Variants in H2AX observed in about 807,000 individuals in gnomAD.
H2AX encodes histone H2AX.
A neutral mutation model predicts 8.0 loss-of-function variants in H2AX; 2 were observed. The observed-to-expected ratio is 0.25, with a 90% CI of 0.10 to 0.79. The LOEUF is 0.79. H2AX is among the 30% of genes least tolerant of loss of function. The pLI is 0.69. For missense variants in H2AX, 105 were observed against 201.0 expected (o/e 0.52, Z 2.89); for synonymous variants, 110 against 102.5 (o/e 1.07, Z -0.44).
At position 119,094,707 on chromosome 11, in the gene H2AX, T is replaced by C; in HGVS notation, c.*256A>G. The C allele has an allele frequency of 2.6e-6, 1 of 386,632 alleles. No individual in the cohort carries two copies. 24.0% of individuals were successfully genotyped at this position (386,632 alleles called of 1,614,324 possible). A position where few individuals can be genotyped will look rare whatever the true frequency, so the allele number is the denominator to read the frequency against. On this transcript the variant is annotated 3_prime_UTR_variant, in exon 1 of 1. Transcript: ENST00000530167. ...AGCCGCATCCGGAAGGCCCGAACCCTACCGGAGGGCGGACGGCGGACAGGG... is the reference window on the plus strand; with the variant it reads ...AGCCGCATCCGGAAGGCCCGAACCCCACCGGAGGGCGGACGGCGGACAGGG...
rs1285661977 is a variant in H2AX, at chr11:119,094,059, G to C, written c.*904C>G. 1 of 152,736 alleles carries C rather than the reference G, an allele frequency of 6.5e-6. No individual in the cohort carries two copies. Among genetic ancestry groups the C allele is most frequent in the Admixed American group, 6.5e-5 (1 of 15,286 alleles). The allele number at this position is 152,736 out of a possible 1,614,324, so 9.5% of individuals were successfully genotyped here. ...TTGGATTGCCGAGTTGAGTTTGCTG[G>C]AAGGGAAATGGGGCGGCGTCGGGGG... On this transcript the variant is annotated 3_prime_UTR_variant, in exon 1 of 1. Transcript: ENST00000530167.
Position 119,094,997 on chromosome 11 carries a change from C to A in H2AX, c.398G>T (p.Gly133Val). The A allele has an allele frequency of 6.2e-7, 1 of 1,612,664 alleles. No individual in the cohort carries two copies. Among genetic ancestry groups the A allele is most frequent in the East Asian group, 2.2e-5 (1 of 44,848 alleles). Residue 133 changes from glycine (G) to valine (V), a missense_variant, in exon 1 of 1, where the codon GGC (glycine) becomes GTC (valine). Around this residue, in one of 3 missense-constraint regions of H2AX, gnomAD observed 29 missense variants for 33.9 expected, o/e 0.86. Coordinates refer to ENST00000530167, the MANE Select transcript of H2AX (RefSeq NM_002105.3). ...ATVGPKAPSG[G>V]KKATQASQEY ...CTGGGAGGCCTGGGTGGCCTTCTTG[C>A]CGCCCGAGGGCGCCTTCGGCCCCAC...
Position 119,095,445 on chromosome 11 carries a change from G to A in H2AX, c.-51C>T, listed in dbSNP as rs772898384. On this transcript the variant is annotated 5_prime_UTR_variant, in exon 1 of 1. Coordinates refer to ENST00000530167, the MANE Select transcript of H2AX (RefSeq NM_002105.3). ...CGACGGCTCAAACACTAGAACAGAC[G>A]CCCGCCGCAGTGTAACTGCTGTCGC... The A allele has an allele frequency of 5.4e-5, 79 of 1,449,968 alleles. 1 individual carries two copies. The highest frequency in any genetic ancestry group is 5.0e-4 in the South Asian group (35 of 69,316). The allele number at this position is 1,449,968 out of a possible 1,614,324, so 89.8% of individuals were successfully genotyped here. A position where few individuals can be genotyped will look rare whatever the true frequency, so the allele number is the denominator to read the frequency against.
chr11:119,094,911 G>T lies in H2AX; in HGVS notation c.*52C>A. The T allele has an allele frequency of 6.6e-7, 1 of 1,526,158 alleles. No homozygotes were observed. Among genetic ancestry groups the T allele is most frequent in the South Asian group, 1.2e-5 (1 of 80,422 alleles). 94.5% of individuals were successfully genotyped at this position (1,526,158 alleles called of 1,614,324 possible). ...GAGGGCGGTGGTGGCCCTTAAAAGG[G>T]CCTTTGTGGTGGCATGGGGAGGCCT... On this transcript the variant is annotated 3_prime_UTR_variant, in exon 1 of 1. Transcript: ENST00000530167.
Position 119,094,828 on chromosome 11 carries a change from G to A in H2AX, c.*135C>T, listed in dbSNP as rs1228200948. The A allele has an allele frequency of 5.3e-6, 5 of 948,272 alleles. No homozygotes were observed. In the East Asian group the frequency reaches 8.4e-5, roughly 16 times the overall value. The allele number at this position is 948,272 out of a possible 1,614,324, so 58.7% of individuals were successfully genotyped here. A position where few individuals can be genotyped will look rare whatever the true frequency, so the allele number is the denominator to read the frequency against. ...GGCGAAGGCGGGCGAGGGGAGGGGA[G>A]GGGAAGGGAGCCGCGGCCCGCTTGC... On this transcript the variant is annotated 3_prime_UTR_variant, in exon 1 of 1. Transcript: ENST00000530167.
chr11:119,095,101 C>T lies in H2AX; in HGVS notation c.294G>A (p.Leu98=). The change falls in exon 1 of 1, where the codon CTG becomes CTA. Residue 98 remains leucine (L), a synonymous_variant. Transcript: ENST00000530167. The part of the protein sequence containing the change: ...IRNDEELNKL[L]GGVTIAQGGV... Reference sequence around the variant, plus strand: ...CTCCCTGGGCGATCGTCACGCCGCCCAGCAGCTTGTTGAGCTCCTCGTCGT... The same window carrying T: ...CTCCCTGGGCGATCGTCACGCCGCCTAGCAGCTTGTTGAGCTCCTCGTCGT... The T allele has an allele frequency of 6.2e-7, 1 of 1,614,002 alleles. No homozygotes were observed. Among genetic ancestry groups the T allele is most frequent in the Non-Finnish European group, 8.5e-7 (1 of 1,179,894 alleles).
chr11:119,094,973 T>C lies in H2AX; in HGVS notation c.422A>G (p.Gln141Arg), dbSNP rs766991832. 2.5e-6 allele frequency: 4 copies of C among 1,611,380 alleles called. No homozygotes were observed. The highest frequency in any genetic ancestry group is 1.7e-6 in the Non-Finnish European group (2 of 1,178,936). The change falls in exon 1 of 1, where the codon CAG becomes CGG. Residue 141 changes from glutamine to arginine, a missense_variant. Physicochemically the swap from Gln to Arg is conservative, Grantham distance 43 (BLOSUM62 1). Around this residue, in one of 3 missense-constraint regions of H2AX, gnomAD observed 29 missense variants for 33.9 expected, o/e 0.86. Transcript: ENST00000530167. Reference protein sequence around the residue: ...SGGKKATQASQEY With the variant: ...SGGKKATQASREY ...GCGGCGCGGGCCCTCTTAGTACTCC[T>C]GGGAGGCCTGGGTGGCCTTCTTGCC...
In H2AX at chr11:119,094,444, C is replaced by T. The variant is rs1946356445; in HGVS notation, c.*519G>A. 1 of 152,358 alleles carries T rather than the reference C, an allele frequency of 6.6e-6. No homozygotes were observed. Among genetic ancestry groups the T allele is most frequent in the African/African-American group, 2.4e-5 (1 of 41,470 alleles). 9.4% of individuals were successfully genotyped at this position (152,358 alleles called of 1,614,324 possible). A position where few individuals can be genotyped will look rare whatever the true frequency, so the allele number is the denominator to read the frequency against. ...TACCAGACACCCCGGCTGCAGCTGCCGAGGGCCTCACTCACCTTCAGGGCC... is the reference window on the plus strand; with the variant it reads ...TACCAGACACCCCGGCTGCAGCTGCTGAGGGCCTCACTCACCTTCAGGGCC... On this transcript the variant is annotated 3_prime_UTR_variant, in exon 1 of 1. Transcript: ENST00000530167.
In H2AX at chr11:119,095,452, G is replaced by A. The variant is rs566456517; in HGVS notation, c.-58C>T. ...TCAAACACTAGAACAGACGCCCGCCGCAGTGTAACTGCTGTCGCGCGCGCG... is the reference window on the plus strand; with the variant it reads ...TCAAACACTAGAACAGACGCCCGCCACAGTGTAACTGCTGTCGCGCGCGCG... On this transcript the variant is annotated 5_prime_UTR_variant, in exon 1 of 1. Transcript: ENST00000530167. 4.1e-6 allele frequency: 6 copies of A among 1,458,302 alleles called. No homozygotes were observed. In the East Asian group the frequency reaches 9.9e-5, roughly 24 times the overall value. 90.3% of individuals were successfully genotyped at this position (1,458,302 alleles called of 1,614,324 possible).
In H2AX at chr11:119,095,235, C is replaced by A; in HGVS notation, c.160G>T (p.Ala54Ser). 1 of 1,613,852 alleles carries A rather than the reference C, an allele frequency of 6.2e-7. No individual in the cohort carries two copies. Among genetic ancestry groups the A allele is most frequent in the Non-Finnish European group, 8.5e-7 (1 of 1,179,808 alleles). Residue 54 changes from alanine to serine, a missense_variant, in exon 1 of 1, where the codon GCA (alanine) becomes TCA (serine). Coordinates refer to ENST00000530167, the MANE Select transcript of H2AX (RefSeq NM_002105.3). ...TCAGCGGTGAGGTACTCCAGCACTG[C>A]CGCCAGGTACACTGGCGCGCCGGCG... Reference protein sequence around the residue: ...VGAGAPVYLAAVLEYLTAEIL... With the variant: ...VGAGAPVYLASVLEYLTAEIL...
rs1367724161 is a variant in H2AX at position 119,095,338 on chromosome 11, C to G, written c.57G>C (p.Ser19=). The G allele has an allele frequency of 2.5e-6, 4 of 1,601,606 alleles. No homozygotes were observed. The highest frequency in any genetic ancestry group is 3.4e-5 in the Admixed American group (2 of 58,048). The part of the protein sequence containing the change: ...GKARAKAKSR[S]SRAGLQFPVG... ...CTGGGAACTGGAGGCCGGCGCGCGA[C>G]GAGCGCGACTTGGCCTTGGCGCGGG... The change falls in exon 1 of 1, where the codon TCG becomes TCC. Residue 19 remains serine, a synonymous_variant. Transcript: ENST00000530167.
At position 119,095,450 on chromosome 11, in the gene H2AX, C is replaced by T. The variant is rs1443736437; in HGVS notation, c.-56G>A. 11 of 1,461,164 alleles carry T rather than the reference C, an allele frequency of 7.5e-6. No homozygotes were observed. The highest frequency in any genetic ancestry group is 2.8e-5 in the South Asian group (2 of 70,544). 90.5% of individuals were successfully genotyped at this position (1,461,164 alleles called of 1,614,324 possible). ...GCTCAAACACTAGAACAGACGCCCGCCGCAGTGTAACTGCTGTCGCGCGCG... is the reference window on the plus strand; with the variant it reads ...GCTCAAACACTAGAACAGACGCCCGTCGCAGTGTAACTGCTGTCGCGCGCG... On this transcript the variant is annotated 5_prime_UTR_variant, in exon 1 of 1. Coordinates refer to ENST00000530167, the MANE Select transcript of H2AX (RefSeq NM_002105.3).
Position 119,094,838 on chromosome 11 carries a change from G to C in H2AX, c.*125C>G. On this transcript the variant is annotated 3_prime_UTR_variant, in exon 1 of 1. Coordinates refer to ENST00000530167, the MANE Select transcript of H2AX (RefSeq NM_002105.3). ...GGCGAGGGGAGGGGAGGGGAAGGGA[G>C]CCGCGGCCCGCTTGCCCCGCAGTCT... The C allele has an allele frequency of 8.5e-6, 9 of 1,054,828 alleles. No individual in the cohort carries two copies. Among genetic ancestry groups the C allele is most frequent in the Non-Finnish European group, 1.2e-5 (9 of 759,112 alleles). 65.3% of individuals were successfully genotyped at this position (1,054,828 alleles called of 1,614,324 possible).
Position 119,094,772 on chromosome 11 carries a change from AGCGGGGGCGGGC to A in H2AX, c.*179_*190del. 1.6e-6 allele frequency: 1 copy of A among 606,640 alleles called. No individual in the cohort carries two copies. Among genetic ancestry groups the A allele is most frequent in the Non-Finnish European group, 2.7e-6 (1 of 366,600 alleles). 37.6% of individuals were successfully genotyped at this position (606,640 alleles called of 1,614,324 possible). A position where few individuals can be genotyped will look rare whatever the true frequency, so the allele number is the denominator to read the frequency against. ...GACGCGGCAGGCGGTGCGGGACGGG[AGCGGGGGCGGGC>A]GGGGACTCGAGGCCGGGCGGCGAAG... is the stretch of plus-strand genomic sequence containing the variant. On this transcript the variant is annotated 3_prime_UTR_variant, in exon 1 of 1. Coordinates refer to ENST00000530167, the MANE Select transcript of H2AX (RefSeq NM_002105.3).
In H2AX at chr11:119,095,248, T is replaced by A; in HGVS notation, c.147A>T (p.Pro49=). The A allele has an allele frequency of 6.2e-7, 1 of 1,613,520 alleles. No individual in the cohort carries two copies. The highest frequency in any genetic ancestry group is 8.5e-7 in the Non-Finnish European group (1 of 1,179,626). The change falls in exon 1 of 1, where the codon CCA becomes CCT. Residue 49 remains proline (P), a synonymous_variant. Transcript: ENST00000530167. The part of the protein sequence containing the change: ...HYAERVGAGA[P]VYLAAVLEYL... ...ACTCCAGCACTGCCGCCAGGTACACTGGCGCGCCGGCGCCAACGCGCTCGG... is the reference window on the plus strand; with the variant it reads ...ACTCCAGCACTGCCGCCAGGTACACAGGCGCGCCGGCGCCAACGCGCTCGG...
chr11:119,094,776 G>T lies in H2AX; in HGVS notation c.*187C>A, dbSNP rs1289763384. 11 of 622,232 alleles carry T rather than the reference G, an allele frequency of 1.8e-5. No homozygotes were observed. The highest frequency in any genetic ancestry group is 2.6e-5 in the Non-Finnish European group (10 of 378,038). The allele number at this position is 622,232 out of a possible 1,614,324, so 38.5% of individuals were successfully genotyped here. A position where few individuals can be genotyped will look rare whatever the true frequency, so the allele number is the denominator to read the frequency against. ...CGGCAGGCGGTGCGGGACGGGAGCG[G>T]GGGCGGGCGGGGACTCGAGGCCGGG... On this transcript the variant is annotated 3_prime_UTR_variant, in exon 1 of 1. Transcript: ENST00000530167.
In H2AX at chr11:119,095,464, CT is replaced by C; in HGVS notation, c.-71del. On this transcript the variant is annotated 5_prime_UTR_variant, in exon 1 of 1. Transcript: ENST00000530167. ...ACAGACGCCCGCCGCAGTGTAACTG[CT>C]GTCGCGCGCGCGCCGCGAGGCCGCC... The C allele has an allele frequency of 2.1e-6, 3 of 1,442,216 alleles. No individual in the cohort carries two copies. The highest frequency in any genetic ancestry group is 1.8e-6 in the Non-Finnish European group (2 of 1,099,854). The allele number at this position is 1,442,216 out of a possible 1,614,324, so 89.3% of individuals were successfully genotyped here.
Position 119,095,434 on chromosome 11 carries a change from C to T in H2AX, c.-40G>A, listed in dbSNP as rs906205438. On this transcript the variant is annotated 5_prime_UTR_variant, in exon 1 of 1. The change creates a new upstream start codon in the 5' untranslated region. Coordinates refer to ENST00000530167, the MANE Select transcript of H2AX (RefSeq NM_002105.3). The stretch of plus-strand genomic sequence containing the variant: ...CCGGTGAAGCACGACGGCTCAAACA[C>T]TAGAACAGACGCCCGCCGCAGTGTA... The T allele has an allele frequency of 2.1e-6, 3 of 1,461,594 alleles. No homozygotes were observed. In the African/African-American group the frequency reaches 4.3e-5, roughly 21 times the overall value. The allele number at this position is 1,461,594 out of a possible 1,614,324, so 90.5% of individuals were successfully genotyped here. A position where few individuals can be genotyped will look rare whatever the true frequency, so the allele number is the denominator to read the frequency against.
rs1291799697 is a variant in H2AX, at chr11:119,094,770, G to A, written c.*193C>T. 6.6e-6 allele frequency: 4 copies of A among 607,058 alleles called. No homozygotes were observed. In the Admixed American group the frequency reaches 1.4e-4, roughly 22 times the overall value. The allele number at this position is 607,058 out of a possible 1,614,324, so 37.6% of individuals were successfully genotyped here. A position where few individuals can be genotyped will look rare whatever the true frequency, so the allele number is the denominator to read the frequency against. ...CCGACGCGGCAGGCGGTGCGGGACG[G>A]GAGCGGGGGCGGGCGGGGACTCGAG... On this transcript the variant is annotated 3_prime_UTR_variant, in exon 1 of 1. Coordinates refer to ENST00000530167, the MANE Select transcript of H2AX (RefSeq NM_002105.3).
Sources: allele counts gnomAD v4.1 joint callset, GRCh38; gene constraint gnomAD v4.1.1; regional missense constraint gnomAD v4.1.1; transcripts MANE v1.5; gene names NCBI Gene and HGNC (gene_info 2026-07-23, HGNC 2026-07-21).